Variants in PLCG2 observed in about 807,000 individuals in gnomAD.
PLCG2 encodes the protein phospholipase C gamma 2.
In PLCG2, 69 loss-of-function variants were observed where a neutral mutation model predicts 175.6. The ratio of observed to expected loss-of-function variants is 0.39; its 90% CI spans 0.32 to 0.48. The LOEUF (loss-of-function observed/expected upper bound fraction) is 0.48, where lower values mean the gene tolerates loss of function less well. Among genes scored for constraint, PLCG2 ranks in the 20% least tolerant of loss-of-function variants. PLCG2 has a pLI of 0.91. For synonymous variants in PLCG2, 827 were observed against 624.0 expected (o/e 1.33, Z -4.85); for missense variants, 1,798 against 1,650.9 (o/e 1.09, Z -1.54).
chr16:81,825,925 CAT>C (rs1404530146), intron 2 of PLCG2, among the ~76,000 whole-genome samples: 4 of 152,136 alleles, frequency 2.6e-5, no homozygotes, highest in African/African-American at 9.7e-5. Flanking sequence ...AGAAAGAAGA[CAT>C]AGAAATCAGA....
At chr16:81,800,429 T>C (rs374976119) in intron 2 of PLCG2, among the ~76,000 whole-genome samples, 34 of 152,178 alleles carry the variant, frequency 2.2e-4, no homozygotes, top group Admixed American at 4.6e-4. Flanking sequence ...TGTGTTCTCA[T>C]TGATCAGCTC....
intron 2 of PLCG2, among the ~76,000 whole-genome samples, chr16:81,770,994 C>G (rs1450410634): frequency 1.3e-5 from 2 of 150,602 alleles, no homozygotes; most frequent in Non-Finnish European, 2.9e-5. Context: ...GGAGGTGGAG[C>G]TTGCCGTGAG....
At chr16:81,888,280 G>T (rs1008627615) in intron 9 of PLCG2, among the ~76,000 whole-genome samples, 1 of 151,988 alleles carries the variant, frequency 6.6e-6, no homozygotes, top group African/African-American at 2.4e-5. Context: ...GTACAACCTC[G>T]GTTCATTGCA....
At chr16:81,948,964 C>G (rs1352381968) in intron 31 of PLCG2, among the ~76,000 whole-genome samples, 1 of 152,154 alleles carries the variant, frequency 6.6e-6, no homozygotes, top group East Asian at 1.9e-4. Context: ...TAGGATCTTT[C>G]AAAGACATCC....
intron 2 of PLCG2, among the ~76,000 whole-genome samples, chr16:81,826,579 G>T (rs1905058297): frequency 2.0e-5 from 3 of 152,180 alleles, no homozygotes; most frequent in Admixed American, 2.0e-4. Context: ...AGTGATAGTG[G>T]TGGTTGTTGG....
intron 2 of PLCG2, among the ~76,000 whole-genome samples, chr16:81,804,286 A>G (rs1911892884): frequency 6.6e-6 from 1 of 152,126 alleles, no homozygotes; most frequent in Non-Finnish European, 1.5e-5. Context: ...TCTGATTTGC[A>G]TTTTCCTGAT....
At chr16:81,914,518 T>C (rs1399109323) in intron 19 of PLCG2, among the ~76,000 whole-genome samples, 1 of 152,132 alleles carries the variant, frequency 6.6e-6, no homozygotes, top group Non-Finnish European at 1.5e-5. Context: ...CACGCCCCAT[T>C]CAGTTTGTGA....
intron 2 of PLCG2, among the ~76,000 whole-genome samples, chr16:81,806,175 T>G (rs755001264): frequency 7.2e-4 from 110 of 152,018 alleles, no homozygotes; most frequent in Admixed American, 2.0e-3. Flanking sequence ...CAATTCTGAG[T>G]GTTCAAAAGC....
chr16:81,799,435 A>C (rs1343594588), intron 2 of PLCG2, among the ~76,000 whole-genome samples: 5 of 152,084 alleles, frequency 3.3e-5, no homozygotes, highest in African/African-American at 1.2e-4. Context: ...TGAATTAATT[A>C]ATTTTTTGAG....
At position 81,958,535 on chromosome 16, in the gene PLCG2, GGCTGCCT is replaced by G. The variant is rs1567550794; in HGVS notation, c.*543_*549del. On this transcript the variant is annotated 3_prime_UTR_variant, in exon 33 of 33. Transcript: ENST00000564138. The stretch of plus-strand genomic sequence containing the variant: ...AGTTCAATGTACTTTAACTACCACC[GGCTGCCT>G]GCTGCAGTCCACAAGAAAATGGCTG... 3 of 231,322 alleles carry G rather than the reference GGCTGCCT, an allele frequency of 1.3e-5. No homozygotes were observed. The highest frequency in any genetic ancestry group is 2.2e-5 in the African/African-American group (1 of 45,210). The allele number at this position is 231,322 out of a possible 1,614,324, so 14.3% of individuals were successfully genotyped here. A position where few individuals can be genotyped will look rare whatever the true frequency, so the allele number is the denominator to read the frequency against.
intron 5 of PLCG2, among the ~76,000 whole-genome samples, chr16:81,865,958 C>T (rs1907210769): frequency 7.1e-6 from 1 of 140,022 alleles, no homozygotes; most frequent in African/African-American, 2.7e-5. Context: ...TCCCTTTCTC[C>T]CAGGATGGGC....
upstream of PLCG2, among the ~76,000 whole-genome samples, chr16:81,775,877 A>G (rs963757911): frequency 6.6e-6 from 1 of 151,816 alleles, no homozygotes; most frequent in African/African-American, 2.4e-5. Flanking sequence ...ACAAACTCAC[A>G]TCTCCCTGCC....
At chr16:81,771,865 C>T (rs555942820) in intron 2 of PLCG2, among the ~76,000 whole-genome samples, 1 of 152,298 alleles carries the variant, frequency 6.6e-6, no homozygotes, top group South Asian at 2.1e-4. Flanking sequence ...CTCACTGCAA[C>T]CTCCACCTCC....
At chr16:81,944,842 G>A (rs1057415107) in intron 30 of PLCG2, among the ~76,000 whole-genome samples, 4 of 152,122 alleles carry the variant, frequency 2.6e-5, no homozygotes, top group African/African-American at 7.2e-5. Flanking sequence ...GGTCCTGAAC[G>A]AGTCCCCCAT....
In PLCG2 at chr16:81,895,777, G is replaced by C. The variant is rs770161746; in HGVS notation, c.1073-30G>C. 3 of 1,613,682 alleles carry C rather than the reference G, an allele frequency of 1.9e-6. No individual in the cohort carries two copies. The African/African-American group carries it at 4.0e-5, about 22-fold the overall frequency. ...TCGGGGCTGTCAGTGAACACACGTG[G>C]TATTGAGGCTGCCGCGTTTCTCCCT... On this transcript the variant is annotated intron_variant, in intron 12 of 32. Transcript: ENST00000564138.
chr16:81,919,407 T>TAATC, intron 19 of PLCG2, 77 bp from the exon 20 acceptor site: 6 of 1,135,340 alleles, frequency 5.3e-6, no homozygotes, highest in Non-Finnish European at 7.9e-6. Flanking sequence ...AGGTTGTATC[T>TAATC]AATCAGTAGG....
chr16:81,885,729 T>C (rs1964664529), intron 9 of PLCG2, among the ~76,000 whole-genome samples: 1 of 152,162 alleles, frequency 6.6e-6, no homozygotes, highest in Non-Finnish European at 1.5e-5. Flanking sequence ...ATTTCATTGA[T>C]GGAAGAGAAA....
At chr16:81,911,214 C>T (rs1909606653) in intron 18 of PLCG2, among the ~76,000 whole-genome samples, 1 of 152,188 alleles carries the variant, frequency 6.6e-6, no homozygotes, top group Non-Finnish European at 1.5e-5. Context: ...TCCGAGGAGG[C>T]CGTATTACTT....
intron 2 of PLCG2, among the ~76,000 whole-genome samples, chr16:81,841,019 A>T (rs1386785473): frequency 6.6e-6 from 1 of 152,158 alleles, no homozygotes; most frequent in African/African-American, 2.4e-5. Flanking sequence ...CATGAATATG[A>T]AGCATTAGAA....
Sources: gnomAD v4.1 joint callset for allele counts (sites outside exome capture counted in the v4.1 genomes callset) on GRCh38, gnomAD v4.1.1 for gene constraint, MANE v1.5 for transcripts, NCBI Gene and HGNC (gene_info 2026-07-23, HGNC 2026-07-21) for gene names.